Variants in SLC5A12 observed in about 807,000 individuals in gnomAD.
SLC5A12 encodes the protein solute carrier family 5 member 12.
SLC5A12 carries 46 observed loss-of-function variants against 72.7 expected under a neutral mutation model. The ratio of observed to expected loss-of-function variants is 0.63; its 90% CI spans 0.50 to 0.81. The LOEUF (loss-of-function observed/expected upper bound fraction) is 0.81. Ranked by LOEUF, SLC5A12 falls within the 30% of genes least tolerant of loss-of-function variation. The pLI is 0.00. For missense variants in SLC5A12, 683 were observed against 740.7 expected (o/e 0.92, Z 0.90); for synonymous variants, 275 against 264.4 (o/e 1.04, Z -0.39).
In SLC5A12 at chr11:26,681,222, C is replaced by T; in HGVS notation, c.1309-1G>A. On this transcript the variant is annotated splice_acceptor_variant, in intron 11 of 14. Coordinates refer to ENST00000396005, the MANE Select transcript of SLC5A12 (RefSeq NM_178498.4). LOFTEE classifies it high-confidence loss of function. The stretch of plus-strand genomic sequence containing the variant: ...CAGTAAGAAGACCTCCTAGTGCACC[C>T]TGGATGAAGAAGAAAAAGGTTAATG... 2 of 1,570,058 alleles carry T rather than the reference C, an allele frequency of 1.3e-6. No individual in the cohort carries two copies. The highest frequency in any genetic ancestry group is 8.6e-7 in the Non-Finnish European group (1 of 1,160,588).
chr11:26,669,402 G>A lies in SLC5A12; in HGVS notation c.*1700C>T, dbSNP rs191187730. 3 of 151,784 alleles carry A rather than the reference G, an allele frequency of 2.0e-5. No individual in the cohort carries two copies. The highest frequency in any genetic ancestry group is 6.6e-5 in the Admixed American group (1 of 15,190). The allele number at this position is 151,784 out of a possible 1,614,324, so 9.4% of individuals were successfully genotyped here. Reference sequence around the variant, plus strand: ...TCCTTAGATCAACAGCTTAATTAGCGTTGCCAGACTTTAAAAAATGTTTCC... The same window carrying A: ...TCCTTAGATCAACAGCTTAATTAGCATTGCCAGACTTTAAAAAATGTTTCC... On this transcript the variant is annotated 3_prime_UTR_variant, in exon 15 of 15. Transcript: ENST00000396005.
chr11:26,706,085 T>A (rs1439480477), intron 4 of SLC5A12, among the ~76,000 whole-genome samples: 1 of 152,074 alleles, frequency 6.6e-6, no homozygotes, highest in East Asian at 1.9e-4. Context: ...GAACCCTGGA[T>A]GGCAACAAAC....
rs948946761 is a variant in SLC5A12, at chr11:26,703,879, C to T, written c.594G>A (p.Thr198=). The change falls in exon 5 of 15, where the codon ACG becomes ACA. Residue 198 remains threonine, a synonymous_variant. Transcript: ENST00000396005. ...QMVVMIVGFL[T]VLIQGSTHAG... The stretch of plus-strand genomic sequence containing the variant: ...CATGAGTTGATCCTTGAATGAGAAC[C>T]GTTAAGAAGCCCACAATCATGACAA... 8.7e-6 allele frequency: 14 copies of T among 1,613,700 alleles called. No homozygotes were observed. The highest frequency in any genetic ancestry group is 1.0e-5 in the Non-Finnish European group (12 of 1,179,838).
At chr11:26,694,888 T>A (rs757253054) in intron 8 of SLC5A12, among the ~76,000 whole-genome samples, 6 of 152,018 alleles carry the variant, frequency 3.9e-5, no homozygotes, top group African/African-American at 4.8e-5. Context: ...AAACCAAAAG[T>A]CAATATCTTA....
chr11:26,680,948 T>C, intron 12 of SLC5A12, 107 bp downstream of exon 12: 2 of 1,081,802 alleles, frequency 1.8e-6, no homozygotes, highest in Non-Finnish European at 2.5e-6. Context: ...GTGAGTCTCA[T>C]AAGAGAACAA....
chr11:26,719,239 T>C (rs562702849), intron 1 of SLC5A12, among the ~76,000 whole-genome samples: 55 of 152,366 alleles, frequency 3.6e-4, no homozygotes, highest in Admixed American at 1.2e-3. Context: ...AGTGTGTGTA[T>C]AACTTTTTAT....
intron 8 of SLC5A12, among the ~76,000 whole-genome samples, chr11:26,694,336 G>C (rs1396704398): frequency 1.3e-5 from 2 of 152,052 alleles, no homozygotes; most frequent in Non-Finnish European, 2.9e-5. Context: ...TGGGACTTAG[G>C]ATAAAGGAAT....
chr11:26,694,161 T>A lies in SLC5A12; in HGVS notation c.1041-1560A>T, dbSNP rs181541767. 1.4e-4 allele frequency among the ~76,000 whole-genome samples: 21 copies of A among 152,302 alleles called. No individual in the cohort carries two copies. The South Asian group carries it at 4.3e-3, about 32-fold the overall frequency. On this transcript the variant is annotated intron_variant, in intron 8 of 14. Coordinates refer to ENST00000396005, the MANE Select transcript of SLC5A12 (RefSeq NM_178498.4). ...GTCAATTTTCAGATTCTAAGGCTGCTACAAGATAGTGGAAATATTTTTCCC... is the reference window on the plus strand; with the variant it reads ...GTCAATTTTCAGATTCTAAGGCTGCAACAAGATAGTGGAAATATTTTTCCC...
At chr11:26,714,365 A>T (rs1012350767) in intron 1 of SLC5A12, among the ~76,000 whole-genome samples, 2 of 152,138 alleles carry the variant, frequency 1.3e-5, no homozygotes, top group Non-Finnish European at 2.9e-5. Flanking sequence ...GATCTTACAG[A>T]TTAGACGAAG....
rs1286191009 is a variant in SLC5A12, at chr11:26,667,024, C to A, written c.*4078G>T. 1.3e-5 allele frequency: 2 copies of A among 151,830 alleles called. No individual in the cohort carries two copies. Among genetic ancestry groups the A allele is most frequent in the Non-Finnish European group, 2.9e-5 (2 of 67,842 alleles). 9.4% of individuals were successfully genotyped at this position (151,830 alleles called of 1,614,324 possible). ...ATAAAATCTACCCATTAGTAATTTA[C>A]TATCAATGACGAGTTACATTTTATT... On this transcript the variant is annotated 3_prime_UTR_variant, in exon 15 of 15. Coordinates refer to ENST00000396005, the MANE Select transcript of SLC5A12 (RefSeq NM_178498.4).
chr11:26,710,987 T>C (rs1442874800), intron 3 of SLC5A12, among the ~76,000 whole-genome samples: 1 of 152,082 alleles, frequency 6.6e-6, no homozygotes, highest in Non-Finnish European at 1.5e-5. Flanking sequence ...GTATTATAGA[T>C]GACCATACTT....
intron 12 of SLC5A12, among the ~76,000 whole-genome samples, chr11:26,680,133 A>C (rs1217699835): frequency 6.6e-6 from 1 of 151,462 alleles, no homozygotes; most frequent in Non-Finnish European, 1.5e-5. Context: ...CAGTATGGGG[A>C]GATATTGATG....
chr11:26,705,891 T>C (rs1855073039), intron 4 of SLC5A12, among the ~76,000 whole-genome samples: 1 of 150,990 alleles, frequency 6.6e-6, no homozygotes, highest in Non-Finnish European at 1.5e-5. Flanking sequence ...TCTGACTCCT[T>C]CATACAGCGA....
At chr11:26,706,424 A>C (rs1590734106) in intron 4 of SLC5A12, among the ~76,000 whole-genome samples, 2 of 152,210 alleles carry the variant, frequency 1.3e-5, no homozygotes, top group East Asian at 3.9e-4. Context: ...GGCTGGAAGC[A>C]CAAAACCAGT....
At chr11:26,711,525 C>G (rs1235717434) in intron 2 of SLC5A12, among the ~76,000 whole-genome samples, 167 bp from the exon 3 acceptor site, 11 of 152,056 alleles carry the variant, frequency 7.2e-5, no homozygotes, top group Non-Finnish European at 2.9e-5. Context: ...TATCAGTAGT[C>G]TGTAGAGGGG....
At chr11:26,705,994 A>G (rs900067967) in intron 4 of SLC5A12, among the ~76,000 whole-genome samples, 1 of 150,388 alleles carries the variant, frequency 6.6e-6, no homozygotes, top group Non-Finnish European at 1.5e-5. Flanking sequence ...CTTCTTTAAT[A>G]CTGAGGGTAC....
At chr11:26,683,884 G>A in intron 10 of SLC5A12, 41 bp from the exon 11 acceptor site, 2 of 1,512,762 alleles carry the variant, frequency 1.3e-6, no homozygotes, top group Non-Finnish European at 1.8e-6. Flanking sequence ...CCTACTCAAG[G>A]GCATCTGTGA....
At position 26,721,894 on chromosome 11, in the gene SLC5A12, A is replaced by G. The variant is rs1313177709; in HGVS notation, c.-180T>C. On this transcript the variant is annotated 5_prime_UTR_variant, in exon 1 of 15. Coordinates refer to ENST00000396005, the MANE Select transcript of SLC5A12 (RefSeq NM_178498.4). ...AGACACCAACGTGTACTTAGTGAAG[A>G]TCTCAAAAGTTGACTTCAAAGAAGA... is the stretch of plus-strand genomic sequence containing the variant. 1.1e-4 allele frequency: 66 copies of G among 605,152 alleles called. No homozygotes were observed. In the East Asian group the frequency reaches 1.8e-3, roughly 16 times the overall value. 37.5% of individuals were successfully genotyped at this position (605,152 alleles called of 1,614,324 possible). A position where few individuals can be genotyped will look rare whatever the true frequency, so the allele number is the denominator to read the frequency against.
In SLC5A12 at chr11:26,667,297, G is replaced by A. The variant is rs1854017732; in HGVS notation, c.*3805C>T. 1 of 151,838 alleles carries A rather than the reference G, an allele frequency of 6.6e-6. No individual in the cohort carries two copies. The allele number at this position is 151,838 out of a possible 1,614,324, so 9.4% of individuals were successfully genotyped here. On this transcript the variant is annotated 3_prime_UTR_variant, in exon 15 of 15. Coordinates refer to ENST00000396005, the MANE Select transcript of SLC5A12 (RefSeq NM_178498.4). ...AATTTATTTCAAAGGGAACAATTAA[G>A]GGGAGACTCCTCTATTTTTTCCGTA...
Sources: allele counts gnomAD v4.1 joint callset (sites outside exome capture counted in the v4.1 genomes callset), GRCh38; gene constraint gnomAD v4.1.1; transcripts MANE v1.5; gene names NCBI Gene and HGNC (gene_info 2026-07-23, HGNC 2026-07-21).